Variants in AOC3 observed in about 807,000 individuals in gnomAD.
AOC3 encodes amine oxidase [copper-containing] 3.
Under a neutral mutation model 55.4 loss-of-function variants are expected in AOC3, and 47 were observed. That is an observed-to-expected ratio of 0.85 (90% CI 0.67 to 1.08). The LOEUF (loss-of-function observed/expected upper bound fraction) is 1.08, where lower values mean the gene tolerates loss of function less well. Ranked by LOEUF, AOC3 falls within the 50% of genes least tolerant of loss-of-function variation. AOC3 has a pLI of 0.00. For missense variants in AOC3, 853 were observed against 993.1 expected, an observed-to-expected ratio of 0.86 and a Z score of 1.90; for synonymous variants, 386 against 410.7, an observed-to-expected ratio of 0.94 and a Z score of 0.73.
rs1206148333 is a variant in AOC3 at position 42,851,332 on chromosome 17, C to A, written c.-12C>A. 1.9e-6 allele frequency: 3 copies of A among 1,580,786 alleles called. No individual in the cohort carries two copies. The highest frequency in any genetic ancestry group is 1.7e-6 in the Non-Finnish European group (2 of 1,162,124). On this transcript the variant is annotated 5_prime_UTR_variant, in exon 1 of 4. Coordinates refer to ENST00000308423, the MANE Select transcript of AOC3 (RefSeq NM_003734.4). ...TCCTTTGGTTGAATCAGCTGTCCCT[C>A]TTCGTGGGAAAATGAACCAGAAGAC... is the stretch of plus-strand genomic sequence containing the variant.
At chr17:42,856,194 T>C in intron 3 of AOC3, 81 bp from the exon 4 acceptor site, 1 of 1,538,938 alleles carries the variant, frequency 6.5e-7, no homozygotes, top group Non-Finnish European at 8.8e-7. Flanking sequence ...TCATGATCCT[T>C]GGGCTGGTGA....
In AOC3 at chr17:42,856,750, T is replaced by C; in HGVS notation, c.*200T>C. The C allele has an allele frequency of 1.6e-6, 1 of 644,654 alleles. No homozygotes were observed. The highest frequency in any genetic ancestry group is 2.0e-5 in the South Asian group (1 of 50,092). The allele number at this position is 644,654 out of a possible 1,614,324, so 39.9% of individuals were successfully genotyped here. ...TGCCTGACACAGGGGACACTGAACC[T>C]TGTTGATGCCAGCTGTACTGAGTTC... On this transcript the variant is annotated 3_prime_UTR_variant, in exon 4 of 4. Transcript: ENST00000308423.
rs1313351331 is a variant in AOC3 at position 42,851,477 on chromosome 17, C to G, written c.134C>G (p.Ser45Cys). 13 of 1,614,138 alleles carry G rather than the reference C, an allele frequency of 8.1e-6. No individual in the cohort carries two copies. The highest frequency in any genetic ancestry group is 1.1e-5 in the Non-Finnish European group (13 of 1,180,058). Residue 45 changes from serine to cysteine, a missense_variant, in exon 1 of 4, where the codon TCT (serine) becomes TGT (cysteine). By Grantham distance (112) the Ser-to-Cys change is moderately radical. Transcript: ENST00000308423. ...PSQLPHCPSV[S>C]PSAQPWTHPG... The stretch of plus-strand genomic sequence containing the variant: ...CAGCTTCCCCATTGCCCCTCTGTAT[C>G]TCCCAGTGCCCAGCCTTGGACACAC...
In AOC3 at chr17:42,851,483, G is replaced by A. The variant is rs761357888; in HGVS notation, c.140G>A (p.Ser47Asn). The change falls in exon 1 of 4, where the codon AGT (serine) becomes AAT (asparagine). Residue 47 changes from serine to asparagine, a missense_variant. Physicochemically the swap from Ser to Asn is conservative, Grantham distance 46 (BLOSUM62 1). Transcript: ENST00000308423. ...CCCCATTGCCCCTCTGTATCTCCCA[G>A]TGCCCAGCCTTGGACACACCCTGGC... ...QLPHCPSVSP[S>N]AQPWTHPGQS... is the part of the protein sequence containing the mutation. 1.9e-6 allele frequency: 3 copies of A among 1,614,112 alleles called. No homozygotes were observed. In the African/African-American group the frequency reaches 4.0e-5, roughly 22 times the overall value.
rs202218962 is a variant in AOC3, at chr17:42,854,712, C to T, written c.1865C>T (p.Ala622Val). Residue 622 changes from alanine (A) to valine (V), a missense_variant, in exon 2 of 4, where the codon GCG (alanine) becomes GTG (valine). Coordinates refer to ENST00000308423, the MANE Select transcript of AOC3 (RefSeq NM_003734.4). ...CCGCTGCCCCAAAACAGCTCCATGG[C>T]GAGAGGCTTCAGCTGGGAGAGGTGA... ...GEPLPQNSSMARGFSWERYQL... is the reference protein window; with the variant it reads ...GEPLPQNSSMVRGFSWERYQL... The T allele has an allele frequency of 2.1e-4, 308 of 1,480,124 alleles. No homozygotes were observed. The highest frequency in any genetic ancestry group is 2.4e-4 in the Non-Finnish European group (268 of 1,109,276). 91.7% of individuals were successfully genotyped at this position (1,480,124 alleles called of 1,614,324 possible). A position where few individuals can be genotyped will look rare whatever the true frequency, so the allele number is the denominator to read the frequency against.
Position 42,854,746 on chromosome 17 carries a change from C to T in AOC3, c.1886+13C>T. On this transcript the variant is annotated intron_variant, in intron 2 of 3. Coordinates refer to ENST00000308423, the MANE Select transcript of AOC3 (RefSeq NM_003734.4). ...TCAGCTGGGAGAGGTGAGTGGCGGG[C>T]AGTCAGAGAGGAGGGGGGCAGTGAG... 6.9e-7 allele frequency: 1 copy of T among 1,456,080 alleles called. No homozygotes were observed. Among genetic ancestry groups the T allele is most frequent in the Non-Finnish European group, 9.1e-7 (1 of 1,098,580 alleles). 90.2% of individuals were successfully genotyped at this position (1,456,080 alleles called of 1,614,324 possible). A position where few individuals can be genotyped will look rare whatever the true frequency, so the allele number is the denominator to read the frequency against.
intron 1 of AOC3, chr17:42,854,101 C>G (rs946711405): frequency 5.2e-6 from 1 of 193,046 alleles, no homozygotes; most frequent in African/African-American, 2.3e-5. Context: ...AGGCCATGCT[C>G]CTCTCACAGG....
intron 1 of AOC3, chr17:42,854,097 T>C (rs960209610): frequency 1.7e-4 from 33 of 189,836 alleles, no homozygotes; most frequent in Middle Eastern, 1.9e-3. Flanking sequence ...GCCTAGGCCA[T>C]GCTCCTCTCA....
At position 42,851,220 on chromosome 17, in the gene AOC3, G is replaced by A. The variant is rs558922023; in HGVS notation, c.-124G>A. ...CCTTAGTCCCAGGCATCTGACTACC[G>A]GGAACCTCAGCCAGAGTCCGGGAGC... On this transcript the variant is annotated 5_prime_UTR_variant, in exon 1 of 4. Transcript: ENST00000308423. 3.1e-4 allele frequency: 266 copies of A among 865,340 alleles called. No individual in the cohort carries two copies. The South Asian group carries it at 4.5e-3, about 15-fold the overall frequency. 53.6% of individuals were successfully genotyped at this position (865,340 alleles called of 1,614,324 possible).
rs200247368 is a variant in AOC3, at chr17:42,852,644, A to G, written c.1301A>G (p.Gln434Arg). The G allele has an allele frequency of 6.2e-7, 1 of 1,614,230 alleles. No individual in the cohort carries two copies. The highest frequency in any genetic ancestry group is 2.2e-5 in the East Asian group (1 of 44,880). Residue 434 changes from glutamine (Q) to arginine (R), a missense_variant, in exon 1 of 4, where the codon CAG (glutamine) becomes CGG (arginine). Physicochemically the swap from Gln to Arg is conservative, Grantham distance 43. Transcript: ENST00000308423. ...CGTGATGCCTTTTGTGTGTTTGAAC[A>G]GAACCAGGGCCTCCCCCTGCGGCGA... ...TIRDAFCVFE[Q>R]NQGLPLRRHH...
rs756233554 is a variant in AOC3 at position 42,851,627 on chromosome 17, G to C, written c.284G>C (p.Cys95Ser). 1.2e-6 allele frequency: 2 copies of C among 1,613,010 alleles called. No individual in the cohort carries two copies. The highest frequency in any genetic ancestry group is 1.7e-6 in the Non-Finnish European group (2 of 1,179,886). Residue 95 changes from cysteine (C) to serine (S), a missense_variant, in exon 1 of 4, where the codon TGT becomes TCT. Cys to Ser is a moderately radical substitution (Grantham distance 112). Coordinates refer to ENST00000308423, the MANE Select transcript of AOC3 (RefSeq NM_003734.4). ...GCCCAGGCCCGGCCCTCGGACAACT[G>C]TGTCTTCTCAGTGGAGTTGCAGCTG... ...DAAQARPSDN[C>S]VFSVELQLPP...
Position 42,854,734 on chromosome 17 carries a change from G to T in AOC3, c.1886+1G>T. Reference sequence around the variant, plus strand: ...TGGCGAGAGGCTTCAGCTGGGAGAGGTGAGTGGCGGGCAGTCAGAGAGGAG... The same window carrying T: ...TGGCGAGAGGCTTCAGCTGGGAGAGTTGAGTGGCGGGCAGTCAGAGAGGAG... On this transcript the variant is annotated splice_donor_variant, in intron 2 of 3. Coordinates refer to ENST00000308423, the MANE Select transcript of AOC3 (RefSeq NM_003734.4). LOFTEE classifies it high-confidence loss of function. The T allele has an allele frequency of 6.8e-7, 1 of 1,470,440 alleles. No homozygotes were observed. The highest frequency in any genetic ancestry group is 9.0e-7 in the Non-Finnish European group (1 of 1,106,028). The allele number at this position is 1,470,440 out of a possible 1,614,324, so 91.1% of individuals were successfully genotyped here.
intron 3 of AOC3, 82 bp downstream of exon 3, chr17:42,855,655 G>C (rs1193212443): frequency 2.3e-5 from 36 of 1,578,152 alleles, no homozygotes; most frequent in Non-Finnish European, 2.8e-5. Context: ...CACTTCTCAG[G>C]GGTGGTGCTG....
chr17:42,852,372 A>G lies in AOC3; in HGVS notation c.1029A>G (p.Ala343=). 3.1e-6 allele frequency: 5 copies of G among 1,614,166 alleles called. No homozygotes were observed. The highest frequency in any genetic ancestry group is 4.2e-6 in the Non-Finnish European group (5 of 1,180,042). ...SLWTFSFGLG[A]FSGPRIFDVR... is the part of the protein sequence containing the mutation. ...GGACTTTCTCCTTTGGCCTCGGAGC[A>G]TTCAGTGGCCCAAGGATCTTTGACG... The change falls in exon 1 of 4, where the codon GCA becomes GCG. Residue 343 remains alanine (A), a synonymous_variant. Coordinates refer to ENST00000308423, the MANE Select transcript of AOC3 (RefSeq NM_003734.4).
intron 2 of AOC3, among the ~76,000 whole-genome samples, chr17:42,855,200 G>T (rs2055732332): frequency 6.6e-6 from 1 of 152,208 alleles, no homozygotes. Context: ...CCCCTTGGAG[G>T]CTAAAGCCCA....
At chr17:42,854,158 A>C in intron 1 of AOC3, 1 of 255,834 alleles carries the variant, frequency 3.9e-6, no homozygotes, top group East Asian at 7.0e-5. Flanking sequence ...GCAAGAGGGT[A>C]AGGATGATCA....
chr17:42,854,795 C>T (rs2055726371), intron 2 of AOC3, 62 bp downstream of exon 2: 3 of 1,392,838 alleles, frequency 2.2e-6, no homozygotes, highest in Non-Finnish European at 1.9e-6. Flanking sequence ...TGTTGGCGGA[C>T]ACTCAGCTCA....
chr17:42,854,806 C>A, intron 2 of AOC3, 73 bp downstream of exon 2: 1 of 1,305,514 alleles, frequency 7.7e-7, no homozygotes, highest in Non-Finnish European at 1.0e-6. Flanking sequence ...ACTCAGCTCA[C>A]ACTGTAGGTG....
rs760656327 is a variant in AOC3, at chr17:42,854,692, G to A, written c.1845G>A (p.Leu615=). 1 of 1,507,178 alleles carries A rather than the reference G, an allele frequency of 6.6e-7. No individual in the cohort carries two copies. Among genetic ancestry groups the A allele is most frequent in the Admixed American group, 2.1e-5 (1 of 47,576 alleles). The allele number at this position is 1,507,178 out of a possible 1,614,324, so 93.4% of individuals were successfully genotyped here. A position where few individuals can be genotyped will look rare whatever the true frequency, so the allele number is the denominator to read the frequency against. Residue 615 remains leucine, a synonymous_variant, in exon 2 of 4, where the codon CTG becomes CTA. Coordinates refer to ENST00000308423, the MANE Select transcript of AOC3 (RefSeq NM_003734.4). The stretch of plus-strand genomic sequence containing the variant: ...TGCTCAGCTTTGCTGGAGAGCCGCT[G>A]CCCCAAAACAGCTCCATGGCGAGAG... ...IQMLSFAGEP[L]PQNSSMARGF...
Sources: allele counts gnomAD v4.1 joint callset (sites outside exome capture counted in the v4.1 genomes callset), GRCh38; gene constraint gnomAD v4.1.1; transcripts MANE v1.5; gene names NCBI Gene and HGNC (gene_info 2026-07-23, HGNC 2026-07-21).